Variants in PACRG observed in about 807,000 individuals in gnomAD.
PACRG encodes parkin coregulated, also known as parkin coregulated gene protein.
PACRG carries 29 observed loss-of-function variants against 29.7 expected under a neutral mutation model. That is an observed-to-expected ratio of 0.98 (90% CI 0.73 to 1.33). The LOEUF (loss-of-function observed/expected upper bound fraction) is 1.33, where lower values mean the gene tolerates loss of function less well. PACRG is among the 40% of genes most tolerant of loss of function. PACRG has a pLI of 0.00. For missense variants in PACRG, 279 were observed against 316.2 expected (o/e 0.88, Z 0.89); for synonymous variants, 116 against 118.7 (o/e 0.98, Z 0.15).
intron 2 of PACRG, among the ~76,000 whole-genome samples, chr6:162,859,135 TC>T (rs1185767117): frequency 2.0e-5 from 3 of 152,316 alleles, no homozygotes; most frequent in South Asian, 4.1e-4. Context: ...ATTTTTTTTT[TC>T]AGTAGATGAT....
intron 2 of PACRG, among the ~76,000 whole-genome samples, chr6:162,900,336 G>A (rs994379494): frequency 1.3e-5 from 2 of 151,934 alleles, no homozygotes; most frequent in South Asian, 4.1e-4. Flanking sequence ...TTCCATATCC[G>A]TCCCCATTCT....
chr6:162,822,533 A>G (rs1479730673), intron 2 of PACRG, among the ~76,000 whole-genome samples: 2 of 152,222 alleles, frequency 1.3e-5, no homozygotes, highest in Non-Finnish European at 2.9e-5. Context: ...TGTCTTTACA[A>G]CAAATACTCC....
chr6:163,116,343 G>A (rs1372942916), intron 4 of PACRG, among the ~76,000 whole-genome samples: 2 of 152,150 alleles, frequency 1.3e-5, no homozygotes, highest in East Asian at 3.9e-4. Flanking sequence ...ACAGTACTGA[G>A]GGGGAAATCC....
intron 4 of PACRG, among the ~76,000 whole-genome samples, chr6:163,138,621 C>A (rs1332782118): frequency 6.6e-6 from 1 of 152,176 alleles, no homozygotes; most frequent in Non-Finnish European, 1.5e-5. Flanking sequence ...CTGCTGCTGA[C>A]CTGACAGGAG....
chr6:163,141,450 T>TG (rs1052078227), intron 4 of PACRG, among the ~76,000 whole-genome samples: 5 of 151,430 alleles, frequency 3.3e-5, no homozygotes, highest in African/African-American at 1.2e-4. Flanking sequence ...ATGTGTTTTT[T>TG]TTTTTTTTAA....
chr6:163,071,930 G>A (rs1018646247), intron 3 of PACRG, among the ~76,000 whole-genome samples: 3 of 151,792 alleles, frequency 2.0e-5, no homozygotes, highest in African/African-American at 4.8e-5. Flanking sequence ...TGTAGACAAA[G>A]CATAATAAAA....
At chr6:163,051,422 T>G (rs1439693788) in intron 2 of PACRG, 2 of 152,054 alleles carry the variant, frequency 1.3e-5, no homozygotes, top group Non-Finnish European at 2.9e-5. Flanking sequence ...TGTTTTTACA[T>G]TTGCTTTGGC....
rs145695233 is a variant in PACRG at position 162,886,893 on chromosome 6, A to G, written c.291+72612A>G. On this transcript the variant is annotated intron_variant, in intron 2 of 4. Transcript: ENST00000366888. ...ACGTTATCCATACAATAATTATGCAACTCCAGTTATTATTATTATTAGTAT... is the reference window on the plus strand; with the variant it reads ...ACGTTATCCATACAATAATTATGCAGCTCCAGTTATTATTATTATTAGTAT... Among the ~76,000 whole-genome samples the G allele has an allele frequency of 1.5e-3, 226 of 152,104 alleles. 2 individuals carry two copies. In the East Asian group the frequency reaches 0.019, roughly 12 times the overall value.
chr6:162,727,789 C>G, upstream of PACRG: 6 of 1,105,052 alleles, frequency 5.4e-6, no homozygotes, highest in Non-Finnish European at 7.9e-6. Context: ...GCCCCCGCGC[C>G]CGGCCCTAGG....
At chr6:162,728,421 C>T (rs1274254959) in intron 1 of PACRG, 30 bp downstream of exon 1, 6 of 1,601,998 alleles carry the variant, frequency 3.7e-6, no homozygotes, top group Non-Finnish European at 5.1e-6. Flanking sequence ...TAAATGCACT[C>T]GCTCTGAATC....
chr6:163,313,705 A>T (rs1448583557), intron 4 of PACRG: 1 of 152,148 alleles, frequency 6.6e-6, no homozygotes, highest in African/African-American at 2.4e-5. Flanking sequence ...GCCCCATGGC[A>T]CTCTCTAGGC....
At chr6:163,246,008 C>A (rs984082666) in intron 4 of PACRG, among the ~76,000 whole-genome samples, 27 of 152,302 alleles carry the variant, frequency 1.8e-4, no homozygotes, top group African/African-American at 6.0e-4. Flanking sequence ...CTGCCTCTTG[C>A]CTGGATTGCT....
At chr6:162,757,488 A>G (rs1782018331) in intron 1 of PACRG, among the ~76,000 whole-genome samples, 1 of 152,114 alleles carries the variant, frequency 6.6e-6, no homozygotes, top group Non-Finnish European at 1.5e-5. Context: ...TGAGCAGATC[A>G]CCTGAGGTCA....
chr6:162,928,891 A>G (rs929215714), intron 2 of PACRG, among the ~76,000 whole-genome samples: 1 of 152,052 alleles, frequency 6.6e-6, no homozygotes, highest in Non-Finnish European at 1.5e-5. Context: ...TGCATGGCAT[A>G]TATTACTTAA....
At chr6:162,985,570 G>A (rs1009281653) in intron 2 of PACRG, among the ~76,000 whole-genome samples, 3 of 151,978 alleles carry the variant, frequency 2.0e-5, no homozygotes, top group Admixed American at 2.0e-4. Flanking sequence ...CATAATAAAA[G>A]CCATGTATGA....
At chr6:163,129,488 G>C (rs530909793) in intron 4 of PACRG, among the ~76,000 whole-genome samples, 76 of 152,274 alleles carry the variant, frequency 5.0e-4, no homozygotes, top group African/African-American at 1.8e-3. Flanking sequence ...TCCGTCAAGA[G>C]TCGTTCTATT....
chr6:163,258,646 A>G (rs1783207164), intron 4 of PACRG, among the ~76,000 whole-genome samples: 1 of 151,564 alleles, frequency 6.6e-6, no homozygotes, highest in African/African-American at 2.4e-5. Context: ...AGTCCCAGCT[A>G]CTCGGGAGGC....
chr6:163,036,772 G>A (rs1808225876), intron 2 of PACRG, among the ~76,000 whole-genome samples: 1 of 152,154 alleles, frequency 6.6e-6, no homozygotes, highest in Non-Finnish European at 1.5e-5. Flanking sequence ...ACTTGATCCA[G>A]AGAGGGTGGA....
intron 4 of PACRG, among the ~76,000 whole-genome samples, chr6:163,218,892 A>C (rs1176311300): frequency 6.6e-6 from 1 of 152,220 alleles, no homozygotes; most frequent in Non-Finnish European, 1.5e-5. Flanking sequence ...CTTTTGTCAC[A>C]AGGTGGGGAG....
Sources: gnomAD v4.1 joint callset for allele counts (sites outside exome capture counted in the v4.1 genomes callset) on GRCh38, gnomAD v4.1.1 for gene constraint, MANE v1.5 for transcripts, NCBI Gene and HGNC (gene_info 2026-07-23, HGNC 2026-07-21) for gene names.